The following NCOR2 variants were observed in gnomAD, a reference collection of about 807,000 sequenced individuals.
NCOR2 encodes nuclear receptor corepressor 2, also known as CTG repeat protein 26.
Under a neutral mutation model 262.9 loss-of-function variants are expected in NCOR2, and 81 were observed. The observed-to-expected ratio is 0.31, with a 90% CI of 0.26 to 0.37. The LOEUF is 0.37. Ranked by LOEUF, NCOR2 falls within the 10% of genes least tolerant of loss-of-function variation. NCOR2 has a pLI of 1.00. For synonymous variants in NCOR2, 1,659 were observed against 1,559.3 expected, an observed-to-expected ratio of 1.06 and a Z score of -1.51; for missense variants, 3,385 against 3,621.4, an observed-to-expected ratio of 0.93 and a Z score of 1.68.
intron 34 of NCOR2, 38 bp downstream of exon 36, chr12:124,341,785 G>A (rs1027124367): frequency 1.3e-6 from 2 of 1,569,038 alleles, no homozygotes; most frequent in Admixed American, 1.7e-5. Flanking sequence ...TTGGGAATAA[G>A]GCCAAACCCA....
chr12:124,351,689 T>G (rs1375042628), intron 27 of NCOR2, among the ~76,000 whole-genome samples: 1 of 152,188 alleles, frequency 6.6e-6, no homozygotes, highest in Admixed American at 6.5e-5. Context: ...ATGTTGGGTG[T>G]CAAACAGCAA....
chr12:124,411,185 C>A (rs2042564516), intron 13 of NCOR2, among the ~76,000 whole-genome samples: 1 of 151,304 alleles, frequency 6.6e-6, no homozygotes, highest in African/African-American at 2.4e-5. Context: ...GACGTGGACA[C>A]AGAGATAAAG....
intron 8 of NCOR2, 120 bp from the exon 11 acceptor site, chr12:124,430,907 C>A (rs1013505233): frequency 8.5e-7 from 1 of 1,176,862 alleles, no homozygotes; most frequent in East Asian, 2.5e-5. Flanking sequence ...CAAAGTCACA[C>A]AGGCACACAC....
At chr12:124,460,670 G>A (rs898511342) in intron 5 of NCOR2, among the ~76,000 whole-genome samples, 3 of 152,232 alleles carry the variant, frequency 2.0e-5, no homozygotes, top group Admixed American at 1.3e-4. Flanking sequence ...CTGTTTCTGG[G>A]GTGCAGGGGC....
intron 12 of NCOR2, 26 bp downstream of exon 14, chr12:124,422,475 G>C: frequency 6.2e-7 from 1 of 1,613,770 alleles, no homozygotes; most frequent in Non-Finnish European, 8.5e-7. Flanking sequence ...GGAGACCGAA[G>C]GGGTATGGGG....
At chr12:124,470,918 C>T (rs983057767) in intron 4 of NCOR2, among the ~76,000 whole-genome samples, 3 of 152,260 alleles carry the variant, frequency 2.0e-5, no homozygotes, top group African/African-American at 7.2e-5. Context: ...CTGCAGTCAC[C>T]AATGTGTGCC....
Position 124,531,779 on chromosome 12 carries a change from A to C in NCOR2, c.-118+3786T>G. On this transcript the variant is annotated intron_variant, in intron 1 of 46. Transcript: ENST00000404621. The surrounding 1 kb of genome is among the most constrained non-coding windows in gnomAD (Gnocchi z 4.5). ...AGGGCCCTAAAACCTCCCCCTACACACCTTCGGTGTCCCCGATCACCCGCC... is the reference window on the plus strand; with the variant it reads ...AGGGCCCTAAAACCTCCCCCTACACCCCTTCGGTGTCCCCGATCACCCGCC... 6.8e-6 allele frequency among the ~76,000 whole-genome samples: 1 copy of C among 147,874 alleles called. No homozygotes were observed. The highest frequency in any genetic ancestry group is 2.5e-5 in the African/African-American group (1 of 39,740).
At chr12:124,335,045 C>G (rs990157802) in intron 40 of NCOR2, 90 bp downstream of exon 42, 1 of 1,592,850 alleles carries the variant, frequency 6.3e-7, no homozygotes, top group African/African-American at 1.3e-5. Context: ...CCCGCCAGGA[C>G]AGAAGGGCTG....
chr12:124,381,504 C>T (rs986611696), intron 17 of NCOR2, among the ~76,000 whole-genome samples: 7 of 152,344 alleles, frequency 4.6e-5, no homozygotes, highest in African/African-American at 1.7e-4. Flanking sequence ...TTGTTCTCTG[C>T]TGTATTCCCA....
chr12:124,469,890 G>A (rs921781823), intron 4 of NCOR2, among the ~76,000 whole-genome samples: 1 of 152,158 alleles, frequency 6.6e-6, no homozygotes, highest in African/African-American at 2.4e-5. Flanking sequence ...GTGTGGCTAG[G>A]GACAGTGGCT....
chr12:124,430,301 T>G (rs2043841619), intron 9 of NCOR2, among the ~76,000 whole-genome samples: 1 of 152,160 alleles, frequency 6.6e-6, no homozygotes, highest in Admixed American at 6.5e-5. Context: ...TCTCTCCCCT[T>G]TGTCCCACAC....
chr12:124,335,381 T>A lies in NCOR2; in HGVS notation c.6266-101A>T. 3.3e-6 allele frequency: 5 copies of A among 1,509,044 alleles called. No homozygotes were observed. The East Asian group carries it at 9.4e-5, about 28-fold the overall frequency. The allele number at this position is 1,509,044 out of a possible 1,614,324, so 93.5% of individuals were successfully genotyped here. ...CTTTGAGCCTCATGATCCAGCCAAT[T>A]CCTTGGCCTTTAGGCACCTCTGTTT... On this transcript the variant is annotated intron_variant, in intron 39 of 46. Coordinates refer to ENST00000405201, the Ensembl canonical transcript of NCOR2.
chr12:124,557,070 C>T (rs753629903), intron 1 of NCOR2, among the ~76,000 whole-genome samples: 4 of 152,190 alleles, frequency 2.6e-5, no homozygotes, highest in African/African-American at 7.2e-5. Context: ...TAGAGCCTCA[C>T]GGCCCAGGTA....
rs74719536 is a variant in NCOR2 at position 124,476,229 on chromosome 12, T to G, written c.412-3098A>C. Among the ~76,000 whole-genome samples the G allele has an allele frequency of 2.0e-5, 3 of 152,320 alleles. No individual in the cohort carries two copies. In the East Asian group the frequency reaches 5.8e-4, roughly 29 times the overall value. On this transcript the variant is annotated intron_variant, in intron 3 of 46. Transcript: ENST00000405201. ...TGCCCAACACCCCTTCTGTGCCAACTGACGTGAGACATCCCCACGCCACCG... is the reference window on the plus strand; with the variant it reads ...TGCCCAACACCCCTTCTGTGCCAACGGACGTGAGACATCCCCACGCCACCG...
chr12:124,332,383 G>C lies in NCOR2; in HGVS notation c.6840C>G (p.Val2280=), dbSNP rs764610052. The change falls in exon 43 of 47, where the codon GTC becomes GTG. Residue 2280 remains valine (V), a synonymous_variant. Transcript: ENST00000405201. ...TGTTGATCTCTTGCTTCTTGGACTT[G>C]ACCATGGCGGAGTTGCTCTCGGTCA... is the stretch of plus-strand genomic sequence containing the variant. The C allele has an allele frequency of 3.1e-6, 5 of 1,614,210 alleles. No individual in the cohort carries two copies. The South Asian group carries it at 4.4e-5, about 14-fold the overall frequency.
chr12:124,371,612 G>C (rs1004943988), intron 20 of NCOR2, among the ~76,000 whole-genome samples: 18 of 152,190 alleles, frequency 1.2e-4, no homozygotes, highest in African/African-American at 4.3e-4. Flanking sequence ...GGATGGATCT[G>C]CCCAGAGGCT....
intron 11 of NCOR2, among the ~76,000 whole-genome samples, chr12:124,425,824 C>G (rs2043508521): frequency 1.3e-5 from 2 of 152,158 alleles, no homozygotes; most frequent in Non-Finnish European, 2.9e-5. Context: ...TGCTGTGTGG[C>G]CTTTGTGCAC....
intron 1 of NCOR2, among the ~76,000 whole-genome samples, chr12:124,515,830 A>G (rs1381644172): frequency 6.6e-6 from 1 of 152,136 alleles, no homozygotes; most frequent in Non-Finnish European, 1.5e-5. Context: ...ATGTGTTCTT[A>G]TCACATGTGC....
At chr12:124,553,505 T>A (rs936765716) in intron 1 of NCOR2, among the ~76,000 whole-genome samples, 2 of 152,230 alleles carry the variant, frequency 1.3e-5, no homozygotes, top group Non-Finnish European at 2.9e-5. Flanking sequence ...AGGGTCCACG[T>A]GCCTCAGTCT....
Sources: gnomAD v4.1 joint callset for allele counts (sites outside exome capture counted in the v4.1 genomes callset) on GRCh38, gnomAD v4.1.1 for gene constraint, Gnocchi (gnomAD v3.1) non-coding constraint, MANE v1.5 for transcripts, NCBI Gene and HGNC (gene_info 2026-07-23, HGNC 2026-07-21) for gene names.